CSMD1: variants seen among roughly 807,000 people sequenced by gnomAD.
CSMD1 encodes the protein CUB and sushi domain-containing protein 1.
CSMD1 carries 213 observed loss-of-function variants against 417.5 expected under a neutral mutation model. That is an observed-to-expected ratio of 0.51 (90% confidence interval 0.46 to 0.57). The LOEUF (loss-of-function observed/expected upper bound fraction) is 0.57. CSMD1 is among the 20% of genes least tolerant of loss of function. The pLI, the probability that CSMD1 is intolerant of heterozygous loss-of-function variation, is 0.00. For missense variants in CSMD1, 6,923 were observed against 4,529.7 expected (o/e 1.53, Z -15.17); for synonymous variants, 2,862 against 1,736.8 (o/e 1.65, Z -16.11).
intron 2 of CSMD1, among the ~76,000 whole-genome samples, chr8:4,527,788 T>C (rs1796595640): frequency 6.6e-6 from 1 of 152,226 alleles, no homozygotes; most frequent in Non-Finnish European, 1.5e-5. Context: ...TTTTTACTGA[T>C]GAATCCTGGA....
chr8:4,133,793 A>G (rs1311640514), intron 3 of CSMD1, among the ~76,000 whole-genome samples: 1 of 152,168 alleles, frequency 6.6e-6, no homozygotes, highest in Non-Finnish European at 1.5e-5. Flanking sequence ...CCTTATCTAT[A>G]GCCATGCCAC....
intron 2 of CSMD1, among the ~76,000 whole-genome samples, chr8:4,625,087 A>G (rs1802019578): frequency 6.6e-6 from 1 of 152,084 alleles, no homozygotes; most frequent in African/African-American, 2.4e-5. Context: ...CCTTAATTGG[A>G]TGGGTCAAAC....
intron 1 of CSMD1, among the ~76,000 whole-genome samples, chr8:4,828,828 G>T (rs988284341): frequency 6.6e-6 from 1 of 152,070 alleles, no homozygotes; most frequent in African/African-American, 2.4e-5. Flanking sequence ...AAGAACTGCA[G>T]ATTGTAGCTC....
In CSMD1 at chr8:4,285,400, G is replaced by C. The variant is rs117926769; in HGVS notation, c.415+134553C>G. Among the ~76,000 whole-genome samples, 1,522 of 152,262 alleles carry C rather than the reference G, an allele frequency of 1.0e-2. 13 individuals are homozygous for C. Among genetic ancestry groups the C allele is most frequent in the Admixed American group, 0.016 (245 of 15,292 alleles). ...TAGAGGGAAATGAATTTGTGGCCAT[G>C]AATCTTGAACCACATTTCTCATAAG... On this transcript the variant is annotated intron_variant, in intron 3 of 69. Coordinates refer to ENST00000635120, the MANE Select transcript of CSMD1 (RefSeq NM_033225.6).
chr8:3,523,732 CAG>C (rs768614771), intron 10 of CSMD1, among the ~76,000 whole-genome samples: 6 of 150,726 alleles, frequency 4.0e-5, no homozygotes, highest in South Asian at 2.1e-4. Context: ...CATGCACACT[CAG>C]AGACACATGC....
intron 12 of CSMD1, among the ~76,000 whole-genome samples, chr8:3,421,933 C>T (rs1323230215): frequency 5.3e-5 from 8 of 151,924 alleles, no homozygotes; most frequent in Admixed American, 2.6e-4. Flanking sequence ...CCACGGCGCC[C>T]GGCCCCACAG....
At chr8:4,696,496 T>C (rs1807142823) in intron 1 of CSMD1, among the ~76,000 whole-genome samples, 1 of 152,230 alleles carries the variant, frequency 6.6e-6, no homozygotes, top group Admixed American at 6.5e-5. Context: ...TTCAGAGATC[T>C]GTAGAGGAAA....
chr8:3,813,209 T>C, intron 5 of CSMD1, among the ~76,000 whole-genome samples: 1 of 151,924 alleles, frequency 6.6e-6, no homozygotes, highest in East Asian at 1.9e-4. Flanking sequence ...CAGGTATCCT[T>C]GCTAATAAAA....
At chr8:3,872,955 C>G (rs189032097) in intron 5 of CSMD1, among the ~76,000 whole-genome samples, 230 of 151,864 alleles carry the variant, frequency 1.5e-3, no homozygotes, top group African/African-American at 5.3e-3. Flanking sequence ...TGAAAAAAAG[C>G]TCAACATCAC....
chr8:4,241,550 T>C (rs1048153495), intron 3 of CSMD1, among the ~76,000 whole-genome samples: 57 of 152,302 alleles, frequency 3.7e-4, no homozygotes, highest in African/African-American at 1.3e-3. Flanking sequence ...TCTATGTCCA[T>C]GCTTAGCACA....
At chr8:3,554,601 C>A (rs1799061451) in intron 10 of CSMD1, among the ~76,000 whole-genome samples, 1 of 152,194 alleles carries the variant, frequency 6.6e-6, no homozygotes, top group Admixed American at 6.5e-5. Context: ...CACAGCATGG[C>A]CAGGCCAAAG....
At chr8:3,766,505 G>A (rs1046938084) in intron 5 of CSMD1, among the ~76,000 whole-genome samples, 7 of 152,164 alleles carry the variant, frequency 4.6e-5, no homozygotes, top group African/African-American at 1.7e-4. Context: ...GACACCCTTT[G>A]CCTCCTATAA....
chr8:3,661,902 G>A (rs151018510), intron 7 of CSMD1, among the ~76,000 whole-genome samples: 2 of 152,168 alleles, frequency 1.3e-5, no homozygotes, highest in African/African-American at 2.4e-5. Context: ...GAAGATGGAA[G>A]AAGACAGCAA....
At chr8:4,259,882 A>AT (rs1363146827) in intron 3 of CSMD1, among the ~76,000 whole-genome samples, 3 of 152,158 alleles carry the variant, frequency 2.0e-5, no homozygotes, top group African/African-American at 4.8e-5. Flanking sequence ...AAGTTAATTT[A>AT]TTTTTTGCTA....
chr8:4,647,922 G>A (rs541412621), intron 1 of CSMD1, among the ~76,000 whole-genome samples: 1 of 152,156 alleles, frequency 6.6e-6, no homozygotes, highest in Non-Finnish European at 1.5e-5. Flanking sequence ...ATTCCTTTGG[G>A]TATATACCCA....
intron 5 of CSMD1, among the ~76,000 whole-genome samples, chr8:3,755,220 T>C (rs1204814173): frequency 1.3e-5 from 2 of 152,316 alleles, no homozygotes; most frequent in Non-Finnish European, 2.9e-5. Flanking sequence ...TGATACAGGA[T>C]TGCGTGCTGG....
chr8:4,074,008 A>C (rs1285766497), intron 3 of CSMD1, among the ~76,000 whole-genome samples: 1 of 152,136 alleles, frequency 6.6e-6, no homozygotes, highest in African/African-American at 2.4e-5. Flanking sequence ...TAATGACTTC[A>C]AAGAAAAATG....
intron 5 of CSMD1, among the ~76,000 whole-genome samples, chr8:3,965,552 A>G (rs1812624951): frequency 6.6e-6 from 1 of 152,188 alleles, no homozygotes. Flanking sequence ...AGGTCAGGAA[A>G]GAGAGGTCTT....
chr8:4,640,056 G>A (rs1356041546), intron 1 of CSMD1, among the ~76,000 whole-genome samples: 4 of 152,184 alleles, frequency 2.6e-5, no homozygotes, highest in African/African-American at 9.6e-5. Context: ...CAGTTCAACA[G>A]AAAAACGTCA....
Sources: allele counts gnomAD v4.1 joint callset (sites outside exome capture counted in the v4.1 genomes callset), GRCh38; gene constraint gnomAD v4.1.1; transcripts MANE v1.5; gene names NCBI Gene and HGNC (gene_info 2026-07-23, HGNC 2026-07-21).